PCDH9: variants seen among roughly 807,000 people sequenced by gnomAD.
PCDH9 encodes the protein protocadherin 9.
Under a neutral mutation model 70.6 loss-of-function variants are expected in PCDH9, and 24 were observed. That is an observed-to-expected ratio of 0.34 (90% CI 0.25 to 0.48). PCDH9 has a LOEUF of 0.48. Among genes scored for constraint, PCDH9 ranks in the 20% least tolerant of loss-of-function variants. PCDH9 has a pLI of 0.99. For synonymous variants in PCDH9, 562 were observed against 558.5 expected (o/e 1.01, Z -0.09); for missense variants, 1,281 against 1,503.6 (o/e 0.85, Z 2.45).
At chr13:67,165,812 T>A (rs1294096800) in intron 2 of PCDH9, among the ~76,000 whole-genome samples, 1 of 152,234 alleles carries the variant, frequency 6.6e-6, no homozygotes, top group African/African-American at 2.4e-5. Context: ...AAAAGGATTT[T>A]AAGACGCATG....
intron 2 of PCDH9, among the ~76,000 whole-genome samples, chr13:67,130,893 C>T (rs886888319): frequency 3.3e-5 from 5 of 152,062 alleles, no homozygotes; most frequent in African/African-American, 1.2e-4. Context: ...TGCCGTTGAG[C>T]CCCCCTCTTT....
intron 4 of PCDH9, among the ~76,000 whole-genome samples, chr13:66,629,452 C>T (rs912210460): frequency 7.2e-5 from 11 of 152,154 alleles, no homozygotes; most frequent in African/African-American, 2.7e-4. Context: ...GTGAATTCCA[C>T]CTACATAAAC....
chr13:66,423,842 A>G (rs1957617097), intron 4 of PCDH9, among the ~76,000 whole-genome samples: 1 of 152,196 alleles, frequency 6.6e-6, no homozygotes, highest in South Asian at 2.1e-4. Context: ...ATCAGGCAAG[A>G]GAAAGAAATA....
chr13:67,200,676 T>C (rs2089187615), intron 2 of PCDH9, among the ~76,000 whole-genome samples: 3 of 152,126 alleles, frequency 2.0e-5, no homozygotes, highest in African/African-American at 7.2e-5. Context: ...CCACGTCACC[T>C]CCTTGTAACT....
chr13:67,094,104 T>C (rs1331834971), intron 2 of PCDH9, among the ~76,000 whole-genome samples: 4 of 152,124 alleles, frequency 2.6e-5, no homozygotes, highest in African/African-American at 4.8e-5. Flanking sequence ...ATTGGAGATG[T>C]ATTATATAAA....
intron 3 of PCDH9, among the ~76,000 whole-genome samples, chr13:66,744,177 C>G (rs923574291): frequency 2.6e-5 from 4 of 152,160 alleles, no homozygotes; most frequent in African/African-American, 7.2e-5. Flanking sequence ...ATAAACCCTT[C>G]TTTAAACGAT....
At chr13:66,390,054 C>T (rs1157697082) in intron 4 of PCDH9, among the ~76,000 whole-genome samples, 1 of 152,086 alleles carries the variant, frequency 6.6e-6, no homozygotes, top group African/African-American at 2.4e-5. Context: ...TATCTTCAAG[C>T]ACATATATCT....
chr13:66,613,774 G>T (rs1380994975), intron 4 of PCDH9, among the ~76,000 whole-genome samples: 11 of 152,152 alleles, frequency 7.2e-5, no homozygotes, highest in Non-Finnish European at 4.4e-5. Context: ...AATTAATTTG[G>T]CCTAAATAAA....
intron 3 of PCDH9, among the ~76,000 whole-genome samples, chr13:66,890,550 T>C (rs2082080213): frequency 6.6e-6 from 1 of 151,832 alleles, no homozygotes; most frequent in South Asian, 2.1e-4. Flanking sequence ...TTGCCACTTT[T>C]ACAAATGAGG....
chr13:67,111,846 C>T (rs572154264), intron 2 of PCDH9, among the ~76,000 whole-genome samples: 1 of 152,246 alleles, frequency 6.6e-6, no homozygotes, highest in East Asian at 1.9e-4. Flanking sequence ...TATGCCACCA[C>T]TGTCATTTAT....
chr13:66,810,351 G>T (rs1020434181), intron 3 of PCDH9, among the ~76,000 whole-genome samples: 1 of 151,874 alleles, frequency 6.6e-6, no homozygotes, highest in Non-Finnish European at 1.5e-5. Flanking sequence ...AAGGTTTTGA[G>T]CCTTACAGTT....
chr13:66,348,392 T>C (rs558322704), intron 4 of PCDH9, among the ~76,000 whole-genome samples: 2 of 60,180 alleles, frequency 3.3e-5, no homozygotes, highest in African/African-American at 1.2e-4. Context: ...AAAAGTAACA[T>C]TTTCTTTTCT....
At chr13:67,017,541 C>T (rs2084586931) in intron 2 of PCDH9, among the ~76,000 whole-genome samples, 1 of 152,154 alleles carries the variant, frequency 6.6e-6, no homozygotes, top group Admixed American at 6.5e-5. Context: ...CCCATGATCC[C>T]AGGTTTACTG....
chr13:66,779,873 ATGTGTG>A (rs35090227), intron 3 of PCDH9, among the ~76,000 whole-genome samples: 28 of 115,848 alleles, frequency 2.4e-4, no homozygotes, highest in Admixed American at 1.4e-3. Context: ...ATATACATAT[ATGTGTG>A]TGTGTGTGTG....
intron 3 of PCDH9, among the ~76,000 whole-genome samples, chr13:66,634,389 T>C (rs2077610982): frequency 6.6e-6 from 1 of 152,098 alleles, no homozygotes; most frequent in Non-Finnish European, 1.5e-5. Context: ...TGTAAGGAGA[T>C]GAACTGAATA....
At chr13:66,459,315 T>C (rs1266295335) in intron 4 of PCDH9, among the ~76,000 whole-genome samples, 2 of 151,984 alleles carry the variant, frequency 1.3e-5, no homozygotes, top group East Asian at 3.9e-4. Context: ...TTCCTGTCAT[T>C]TAATGCAATA....
intron 3 of PCDH9, among the ~76,000 whole-genome samples, chr13:66,659,539 T>TTTTGTGTGTGTGTGTGTGTGTGTG (rs1566487715): frequency 9.9e-5 from 3 of 30,270 alleles, no homozygotes; most frequent in South Asian, 1.0e-3. Flanking sequence ...TAAGTTATGT[T>TTTTGTGTGTGTGTGTGTGTGTGTG]TGTGTGTGTG....
At chr13:66,977,867 G>C (rs2083653322) in intron 2 of PCDH9, among the ~76,000 whole-genome samples, 1 of 152,086 alleles carries the variant, frequency 6.6e-6, no homozygotes, top group African/African-American at 2.4e-5. Context: ...ATTTCGCATA[G>C]AAAATAGCTA....
chr13:67,167,271 T>A (rs1385413022), intron 2 of PCDH9, among the ~76,000 whole-genome samples: 4 of 152,172 alleles, frequency 2.6e-5, no homozygotes, highest in Admixed American at 6.5e-5. Flanking sequence ...AATAATTGCG[T>A]GCCTCTCAGC....
Sources: allele counts gnomAD v4.1 joint callset (sites outside exome capture counted in the v4.1 genomes callset), GRCh38; gene constraint gnomAD v4.1.1; transcripts MANE v1.5; gene names NCBI Gene and HGNC (gene_info 2026-07-23, HGNC 2026-07-21).